The following SRPK2 variants were observed in gnomAD, a reference collection of about 807,000 sequenced individuals.
The protein encoded by SRPK2 is SFRS protein kinase 2.
SRPK2 carries 21 observed loss-of-function variants against 90.8 expected under a neutral mutation model. The observed-to-expected ratio is 0.23, with a 90% CI of 0.16 to 0.33. The LOEUF (loss-of-function observed/expected upper bound fraction) is 0.33. Ranked by LOEUF, SRPK2 falls within the 10% of genes least tolerant of loss-of-function variation. The pLI is 1.00. For missense variants in SRPK2, 620 were observed against 869.0 expected (o/e 0.71, Z 3.60); for synonymous variants, 288 against 311.1 (o/e 0.93, Z 0.78).
upstream of SRPK2, among the ~76,000 whole-genome samples, chr7:105,391,181 A>C (rs1822171069): frequency 7.7e-6 from 1 of 130,672 alleles, no homozygotes. Flanking sequence ...GGATGACTAT[A>C]AAATTTATTT....
At chr7:105,235,657 T>C (rs1800038268) in intron 2 of SRPK2, among the ~76,000 whole-genome samples, 2 of 152,206 alleles carry the variant, frequency 1.3e-5, no homozygotes, top group African/African-American at 2.4e-5. Context: ...ATATGATCTA[T>C]AAAAGGCATG....
At position 105,163,033 on chromosome 7, in the gene SRPK2, G is replaced by GA. The variant is rs948618497; in HGVS notation, c.515-2421dup. Among the ~76,000 whole-genome samples the GA allele has an allele frequency of 5.9e-5, 9 of 152,152 alleles. No individual in the cohort carries two copies. The East Asian group carries it at 1.2e-3, about 19-fold the overall frequency. On this transcript the variant is annotated intron_variant, in intron 6 of 15. Transcript: ENST00000393651. ...CAGCAGTTAGCAGAAATTAACTGGA[G>GA]AAAAAGGACGAGGTAACATTAGCAG...
chr7:105,294,295 T>A (rs1809486600), intron 2 of SRPK2, among the ~76,000 whole-genome samples: 1 of 152,252 alleles, frequency 6.6e-6, no homozygotes, highest in South Asian at 2.1e-4. Context: ...ACATTTTGTA[T>A]TCAAATGTTA....
chr7:105,219,002 CA>C (rs1797785418), intron 2 of SRPK2, among the ~76,000 whole-genome samples: 1 of 151,868 alleles, frequency 6.6e-6, no homozygotes, highest in Non-Finnish European at 1.5e-5. Flanking sequence ...CAGCTATAAG[CA>C]AAAGTGGCCG....
chr7:105,391,362 C>T (rs559770186), upstream of SRPK2, among the ~76,000 whole-genome samples: 4 of 152,244 alleles, frequency 2.6e-5, no homozygotes, highest in African/African-American at 4.8e-5. Flanking sequence ...TGTGCTACCA[C>T]GCCTGGCTAA....
At chr7:105,338,696 G>C (rs1223588999) in intron 2 of SRPK2, among the ~76,000 whole-genome samples, 1 of 152,138 alleles carries the variant, frequency 6.6e-6, no homozygotes, top group African/African-American at 2.4e-5. Context: ...TTATGAAAGA[G>C]AAATAATTTT....
At chr7:105,160,475 T>C in intron 7 of SRPK2, 32 bp downstream of exon 7, 1 of 1,334,082 alleles carries the variant, frequency 7.5e-7, no homozygotes, top group South Asian at 1.2e-5. Context: ...AATTAGGTAC[T>C]AGGGCCTAGG....
intron 3 of SRPK2, among the ~76,000 whole-genome samples, chr7:105,183,417 T>A (rs1237652560): frequency 6.6e-6 from 1 of 152,204 alleles, no homozygotes; most frequent in Non-Finnish European, 1.5e-5. Context: ...TCAGCAGGAA[T>A]CCTACAACTG....
rs377594529 is a variant in SRPK2, at chr7:105,347,868, A to G, written c.71+40780T>C. 7.2e-5 allele frequency among the ~76,000 whole-genome samples: 11 copies of G among 151,912 alleles called. No homozygotes were observed. The East Asian group carries it at 7.8e-4, about 11-fold the overall frequency. ...CGAGACTCCGTCTCAAAAAAAAAAA[A>G]AAAGAAAGAAAAGCGGTAGCTTGCA... On this transcript the variant is annotated intron_variant, in intron 2 of 15. Transcript: ENST00000393651.
chr7:105,203,242 G>C (rs1007362959), intron 3 of SRPK2, among the ~76,000 whole-genome samples: 1 of 152,004 alleles, frequency 6.6e-6, no homozygotes, highest in Admixed American at 6.6e-5. Flanking sequence ...TGCCCACCTC[G>C]ACCTCCTAAA....
intron 3 of SRPK2, among the ~76,000 whole-genome samples, chr7:105,188,795 G>A (rs1002170323): frequency 6.6e-6 from 1 of 152,172 alleles, no homozygotes; most frequent in Non-Finnish European, 1.5e-5. Flanking sequence ...CTCGTAACAG[G>A]TTCTGTTTGT....
At chr7:105,169,420 A>G (rs1410028728) in intron 3 of SRPK2, among the ~76,000 whole-genome samples, 155 bp from the exon 4 acceptor site, 1 of 152,208 alleles carries the variant, frequency 6.6e-6, no homozygotes, top group Non-Finnish European at 1.5e-5. Flanking sequence ...TTTTTCAGGA[A>G]TATCTTTCAA....
chr7:105,349,378 T>C (rs1337005626), intron 2 of SRPK2, among the ~76,000 whole-genome samples: 1 of 150,714 alleles, frequency 6.6e-6, no homozygotes, highest in Admixed American at 6.6e-5. Flanking sequence ...CAAAATTAAC[T>C]GGGCATGGTG....
intron 2 of SRPK2, among the ~76,000 whole-genome samples, chr7:105,363,698 A>G (rs1818694697): frequency 6.6e-6 from 1 of 152,196 alleles, no homozygotes; most frequent in South Asian, 2.1e-4. Flanking sequence ...AAAGGATTAT[A>G]AATCATGCTA....
intron 2 of SRPK2, among the ~76,000 whole-genome samples, chr7:105,283,569 T>C (rs1807627296): frequency 6.6e-6 from 1 of 151,896 alleles, no homozygotes; most frequent in Non-Finnish European, 1.5e-5. Flanking sequence ...AATAGAGAAA[T>C]CCATCAACAC....
intron 2 of SRPK2, among the ~76,000 whole-genome samples, chr7:105,310,530 G>C (rs922022436): frequency 5.3e-5 from 8 of 152,110 alleles, no homozygotes; most frequent in African/African-American, 1.7e-4. Context: ...TGTAGTTCCA[G>C]CTACTCGAGA....
chr7:105,328,806 A>C (rs951340927), intron 2 of SRPK2, among the ~76,000 whole-genome samples: 1 of 150,306 alleles, frequency 6.7e-6, no homozygotes, highest in Non-Finnish European at 1.5e-5. Context: ...CAGAGCTTGC[A>C]GTGAGCCGAG....
intron 2 of SRPK2, among the ~76,000 whole-genome samples, chr7:105,246,515 G>A (rs1801686550): frequency 6.6e-6 from 1 of 152,182 alleles, no homozygotes; most frequent in Admixed American, 6.5e-5. Flanking sequence ...GTAGTCACCA[G>A]CCCACAAATG....
At chr7:105,195,146 T>C (rs961157583) in intron 3 of SRPK2, among the ~76,000 whole-genome samples, 18 of 152,304 alleles carry the variant, frequency 1.2e-4, no homozygotes, top group East Asian at 1.9e-4. Flanking sequence ...GCCTCCCACG[T>C]TGAAGTGATT....
Sources: gnomAD v4.1 joint callset for allele counts (sites outside exome capture counted in the v4.1 genomes callset) on GRCh38, gnomAD v4.1.1 for gene constraint, MANE v1.5 for transcripts, NCBI Gene and HGNC (gene_info 2026-07-23, HGNC 2026-07-21) for gene names.